The following ARL15 variants were observed in gnomAD, a reference collection of about 807,000 sequenced individuals.
ARL15 encodes ARF like GTPase 15.
A neutral mutation model predicts 25.2 loss-of-function variants in ARL15; 19 were observed. The ratio of observed to expected loss-of-function variants is 0.75; its 90% CI spans 0.53 to 1.10. ARL15 has a LOEUF of 1.10. Ranked by LOEUF, ARL15 falls within the 50% of genes least tolerant of loss-of-function variation. The pLI, the probability that ARL15 is intolerant of heterozygous loss-of-function variation, is 0.00. For missense variants in ARL15, 220 were observed against 246.0 expected (o/e 0.89, Z 0.71); for synonymous variants, 94 against 86.8 (o/e 1.08, Z -0.46).
intron 1 of ARL15, among the ~76,000 whole-genome samples, chr5:54,256,510 A>G (rs1185641446): frequency 6.6e-6 from 1 of 151,286 alleles, no homozygotes; most frequent in Non-Finnish European, 1.5e-5. Context: ...AATTGGTACC[A>G]ACCCTACTGA....
At chr5:53,957,461 A>G (rs1179816256) in intron 4 of ARL15, among the ~76,000 whole-genome samples, 3 of 152,076 alleles carry the variant, frequency 2.0e-5, no homozygotes, top group African/African-American at 7.2e-5. Context: ...AGAAGGCTAA[A>G]GAGAGTTCTT....
At chr5:54,245,795 C>T (rs1031654066) in intron 1 of ARL15, among the ~76,000 whole-genome samples, 1 of 152,074 alleles carries the variant, frequency 6.6e-6, no homozygotes, top group Non-Finnish European at 1.5e-5. Context: ...ACCATGTTGG[C>T]CAAGCTGGTC....
chr5:54,203,871 T>C (rs1235566798), intron 1 of ARL15, among the ~76,000 whole-genome samples: 1 of 152,148 alleles, frequency 6.6e-6, no homozygotes, highest in Non-Finnish European at 1.5e-5. Context: ...ACTTATTTAT[T>C]CAAAGATTAT....
chr5:54,008,586 T>C (rs944538916), intron 4 of ARL15, among the ~76,000 whole-genome samples: 2 of 152,224 alleles, frequency 1.3e-5, no homozygotes, highest in Non-Finnish European at 2.9e-5. Context: ...GCTTGTTTAC[T>C]TATTTCTTCA....
At chr5:54,111,249 A>C (rs566357307) in intron 4 of ARL15, among the ~76,000 whole-genome samples, 1 of 152,154 alleles carries the variant, frequency 6.6e-6, no homozygotes, top group South Asian at 2.1e-4. Flanking sequence ...TAAAAAGGAA[A>C]CTCAAAGCCA....
chr5:54,139,517 G>A (rs1399746321), intron 3 of ARL15, among the ~76,000 whole-genome samples: 1 of 152,124 alleles, frequency 6.6e-6, no homozygotes, highest in African/African-American at 2.4e-5. Flanking sequence ...CTTAGAAGTG[G>A]GAGCCTGGGA....
At chr5:54,270,929 G>A (rs1187128795) in intron 1 of ARL15, among the ~76,000 whole-genome samples, 2 of 152,202 alleles carry the variant, frequency 1.3e-5, no homozygotes, top group Non-Finnish European at 2.9e-5. Context: ...CAGTCTGGTG[G>A]ATGGTGGTGA....
intron 1 of ARL15, among the ~76,000 whole-genome samples, chr5:54,214,564 G>A (rs180913088): frequency 1.3e-5 from 2 of 152,144 alleles, no homozygotes; most frequent in African/African-American, 4.8e-5. Flanking sequence ...ATGCCTCAGC[G>A]TGTCCAGGAT....
At chr5:54,083,055 G>A (rs750302473) in intron 4 of ARL15, among the ~76,000 whole-genome samples, 1 of 152,142 alleles carries the variant, frequency 6.6e-6, no homozygotes, top group Non-Finnish European at 1.5e-5. Flanking sequence ...GTAAGCAAAT[G>A]TGGTATGTTT....
At chr5:53,927,183 A>G (rs1241677195) in intron 4 of ARL15, among the ~76,000 whole-genome samples, 1 of 152,210 alleles carries the variant, frequency 6.6e-6, no homozygotes, top group Non-Finnish European at 1.5e-5. Flanking sequence ...AACTCAACAC[A>G]GCAAAGATGG....
chr5:54,105,089 G>A (rs2112191213), intron 4 of ARL15, among the ~76,000 whole-genome samples: 1 of 151,336 alleles, frequency 6.6e-6, no homozygotes, highest in African/African-American at 2.4e-5. Flanking sequence ...CGCTTATTGT[G>A]CTTTTTATCT....
intron 4 of ARL15, among the ~76,000 whole-genome samples, chr5:54,074,528 A>G (rs895702715): frequency 3.3e-5 from 5 of 152,200 alleles, no homozygotes; most frequent in Admixed American, 2.6e-4. Context: ...TTTAATTTTT[A>G]TCTGCTTTTC....
intron 3 of ARL15, among the ~76,000 whole-genome samples, chr5:54,118,867 TAC>T (rs1752988176): frequency 6.6e-6 from 1 of 152,200 alleles, no homozygotes; most frequent in Admixed American, 6.5e-5. Context: ...GTCCTCAGCC[TAC>T]ATTTTATAAA....
intron 1 of ARL15, among the ~76,000 whole-genome samples, chr5:54,173,932 C>T (rs1384151648): frequency 6.6e-5 from 10 of 152,020 alleles, no homozygotes; most frequent in East Asian, 1.9e-4. Context: ...TCCCCCAATT[C>T]TGGACTTAGC....
intron 4 of ARL15, among the ~76,000 whole-genome samples, chr5:54,019,287 A>C (rs1047820714): frequency 2.0e-5 from 3 of 152,156 alleles, no homozygotes; most frequent in African/African-American, 4.8e-5. Context: ...AAAGGTAAGT[A>C]AACGACGTAT....
At chr5:53,899,204 C>T (rs540005724) in intron 4 of ARL15, among the ~76,000 whole-genome samples, 59 of 151,404 alleles carry the variant, frequency 3.9e-4, no homozygotes, top group African/African-American at 1.4e-3. Context: ...AAAAATTAGC[C>T]AGGCGTGGTG....
At chr5:54,184,382 G>T (rs1432289197) in intron 1 of ARL15, among the ~76,000 whole-genome samples, 7 of 143,734 alleles carry the variant, frequency 4.9e-5, no homozygotes, top group Non-Finnish European at 7.5e-5. Context: ...GTTCAAGGCT[G>T]CAGTGAGCTA....
Position 54,165,889 on chromosome 5 carries a change from T to C in ARL15, c.193+5895A>G, listed in dbSNP as rs143464271. 2.5e-3 allele frequency among the ~76,000 whole-genome samples: 383 copies of C among 152,180 alleles called. 2 individuals are homozygous for C. Among genetic ancestry groups the C allele is most frequent in the African/African-American group, 8.9e-3 (371 of 41,548 alleles). On this transcript the variant is annotated intron_variant, in intron 2 of 4. Transcript: ENST00000504924. The stretch of plus-strand genomic sequence containing the variant: ...ACGCAGTTCAAGTCCAAAGGCCATT[T>C]ACTGAAGAATTCCCTCTTGTTCCAG...
intron 4 of ARL15, among the ~76,000 whole-genome samples, chr5:53,911,293 T>C (rs532909561): frequency 2.0e-5 from 3 of 152,274 alleles, no homozygotes; most frequent in Admixed American, 2.0e-4. Flanking sequence ...AAGAGACTCT[T>C]CAATTGTTTT....
Sources: allele counts gnomAD v4.1 joint callset (sites outside exome capture counted in the v4.1 genomes callset), GRCh38; gene constraint gnomAD v4.1.1; transcripts MANE v1.5; gene names NCBI Gene and HGNC (gene_info 2026-07-23, HGNC 2026-07-21).